The following ARHGEF10 variants were observed in gnomAD, a reference collection of about 807,000 sequenced individuals.
ARHGEF10 encodes the protein Rho guanine nucleotide exchange factor 10, also known as Rho guanine nucleotide exchange factor (GEF) 10.
ARHGEF10 carries 140 observed loss-of-function variants against 147.4 expected under a neutral mutation model. The ratio of observed to expected loss-of-function variants is 0.95; its 90% CI spans 0.83 to 1.09. The LOEUF is 1.09. Among genes scored for constraint, ARHGEF10 ranks in the 50% least tolerant of loss-of-function variants. ARHGEF10 has a pLI of 0.00. For missense variants in ARHGEF10, 2,222 were observed against 1,752.7 expected (o/e 1.27, Z -4.78); for synonymous variants, 902 against 695.8 (o/e 1.30, Z -4.67).
chr8:1,885,028 G>C (rs138566895), intron 10 of ARHGEF10, among the ~76,000 whole-genome samples: 441 of 152,286 alleles, frequency 2.9e-3, no homozygotes, highest in Middle Eastern at 0.01. Flanking sequence ...GTCTCCCAAA[G>C]TGCTGGGATT....
intron 26 of ARHGEF10, 149 bp downstream of exon 26, chr8:1,934,091 C>G (rs1333732991): frequency 3.8e-6 from 4 of 1,043,972 alleles, no homozygotes; most frequent in Non-Finnish European, 5.7e-6. Context: ...TGCCAACACT[C>G]TGGGAGGCCA....
intron 2 of ARHGEF10, among the ~76,000 whole-genome samples, chr8:1,852,200 C>A (rs899099693): frequency 6.6e-5 from 10 of 152,092 alleles, no homozygotes; most frequent in Non-Finnish European, 4.4e-5. Flanking sequence ...TCCTGCGGGC[C>A]CTCTAGAACC....
intron 1 of ARHGEF10, among the ~76,000 whole-genome samples, chr8:1,839,029 C>T (rs1342244856): frequency 6.6e-6 from 1 of 151,010 alleles, no homozygotes; most frequent in Non-Finnish European, 1.5e-5. Flanking sequence ...GGGGACTGTC[C>T]AGCGTGGAAG....
In ARHGEF10 at chr8:1,891,516, G is replaced by A. The variant is rs181416552; in HGVS notation, c.1183-2053G>A. Among the ~76,000 whole-genome samples the A allele has an allele frequency of 7.6e-4, 116 of 152,226 alleles. 1 individual carries two copies. The highest frequency in any genetic ancestry group is 7.5e-3 in the East Asian group (39 of 5,170). On this transcript the variant is annotated intron_variant, in intron 11 of 28. Transcript: ENST00000349830. ...AGGATCCTGTCCCGTCCCCATTCCC[G>A]GTGAGGACATGAGGAAGGTCAGGCT...
chr8:1,909,140 G>T (rs1811152948), intron 17 of ARHGEF10, among the ~76,000 whole-genome samples, 155 bp from the exon 18 acceptor site: 1 of 152,208 alleles, frequency 6.6e-6, no homozygotes, highest in African/African-American at 2.4e-5. Flanking sequence ...TGGGGACTCA[G>T]TAAGAAAGTC....
chr8:1,848,777 G>C (rs1419753053), intron 2 of ARHGEF10, among the ~76,000 whole-genome samples: 1 of 152,150 alleles, frequency 6.6e-6, no homozygotes, highest in Non-Finnish European at 1.5e-5. Flanking sequence ...TTTAGAAGTA[G>C]TCTTTTTTTT....
intron 13 of ARHGEF10, 60 bp from the exon 14 acceptor site, chr8:1,896,273 T>G: frequency 1.7e-6 from 2 of 1,202,738 alleles, no homozygotes; most frequent in Middle Eastern, 1.9e-4. Context: ...TTCTGTTTTA[T>G]GTTGGAAAAG....
rs374011959 is a variant in ARHGEF10, at chr8:1,909,312, G to A, written c.1985G>A (p.Arg662His). 1.5e-5 allele frequency: 25 copies of A among 1,614,082 alleles called. No individual in the cohort carries two copies. Among genetic ancestry groups the A allele is most frequent in the Admixed American group, 3.3e-5 (2 of 60,002 alleles). ...TVSSRPSHDS[R>H]VMSSQRYLLK... The stretch of plus-strand genomic sequence containing the variant: ...CGTTTCAGCCCCTCTCATGACAGCC[G>A]TGTGATGAGCAGCCAGAGGTACTTG... Residue 662 changes from arginine to histidine, a missense_variant, in exon 18 of 29, where the codon CGT (arginine) becomes CAT (histidine). Coordinates refer to ENST00000349830, the MANE Select transcript of ARHGEF10 (RefSeq NM_014629.4).
chr8:1,873,983 A>C (rs1807416214), intron 7 of ARHGEF10, among the ~76,000 whole-genome samples: 1 of 152,194 alleles, frequency 6.6e-6, no homozygotes, highest in Non-Finnish European at 1.5e-5. Flanking sequence ...CCACTTTTTA[A>C]ATACGCGGGG....
At chr8:1,827,585 C>T (rs1217033316) in intron 1 of ARHGEF10, among the ~76,000 whole-genome samples, 2 of 152,182 alleles carry the variant, frequency 1.3e-5, no homozygotes, top group South Asian at 2.1e-4. Context: ...GGATTACAGG[C>T]GTGAGCCACT....
chr8:1,829,455 G>A (rs1802960298), intron 1 of ARHGEF10, among the ~76,000 whole-genome samples: 1 of 152,244 alleles, frequency 6.6e-6, no homozygotes, highest in African/African-American at 2.4e-5. Context: ...TGGCCAGCCT[G>A]CTTGCTGCAG....
intron 5 of ARHGEF10, among the ~76,000 whole-genome samples, chr8:1,865,355 T>A (rs540887214): frequency 8.9e-6 from 1 of 112,736 alleles, no homozygotes; most frequent in African/African-American, 3.5e-5. Context: ...CCAGCACCCA[T>A]GAGGCCATCA....
At chr8:1,856,006 G>T (rs1406949438) in intron 2 of ARHGEF10, among the ~76,000 whole-genome samples, 1 of 152,016 alleles carries the variant, frequency 6.6e-6, no homozygotes, top group Non-Finnish European at 1.5e-5. Context: ...AGTTAACAAG[G>T]CTCAAACTCT....
chr8:1,825,321 C>T (rs1290681897), intron 1 of ARHGEF10, among the ~76,000 whole-genome samples: 1 of 20,308 alleles, frequency 4.9e-5, no homozygotes, highest in East Asian at 8.3e-4. Flanking sequence ...TGTTCCCCCG[C>T]ACCCCACCTG....
chr8:1,951,795 C>T (rs1241718560), intron 27 of ARHGEF10, among the ~76,000 whole-genome samples: 1 of 152,204 alleles, frequency 6.6e-6, no homozygotes, highest in African/African-American at 2.4e-5. Context: ...ACGATTGTGT[C>T]AGAGTTGTGG....
At position 1,957,291 on chromosome 8, in the gene ARHGEF10, A is replaced by ATTTGCAAT. The variant is rs1815663650; in HGVS notation, c.*29_*36dup. 6.3e-7 allele frequency: 1 copy of ATTTGCAAT among 1,598,458 alleles called. No individual in the cohort carries two copies. The highest frequency in any genetic ancestry group is 2.3e-5 in the East Asian group (1 of 44,396). On this transcript the variant is annotated 3_prime_UTR_variant, in exon 29 of 29. Coordinates refer to ENST00000349830, the MANE Select transcript of ARHGEF10 (RefSeq NM_014629.4). The stretch of plus-strand genomic sequence containing the variant: ...AGGACGGCCGCCTTCTGCTGTCAGA[A>ATTTGCAAT]TTTGCAATCAAGGGTGACTTCTCAG...
At chr8:1,857,635 G>T (rs777972944) in intron 2 of ARHGEF10, among the ~76,000 whole-genome samples, 1 of 151,896 alleles carries the variant, frequency 6.6e-6, no homozygotes, top group Non-Finnish European at 1.5e-5. Context: ...GGCCAGGCTG[G>T]TCTCAAGCTT....
At chr8:1,923,313 C>A (rs569753210) in intron 19 of ARHGEF10, 155 bp from the exon 20 acceptor site, 3 of 1,174,036 alleles carry the variant, frequency 2.6e-6, no homozygotes, top group African/African-American at 1.5e-5. Context: ...CTCAGCCCCC[C>A]ACAGTGTGAT....
rs117108770 is a variant in ARHGEF10 at position 1,872,798 on chromosome 8, A to G, written c.679+3548A>G. 2.2e-4 allele frequency among the ~76,000 whole-genome samples: 34 copies of G among 152,262 alleles called. No individual in the cohort carries two copies. The East Asian group carries it at 6.0e-3, about 27-fold the overall frequency. The stretch of plus-strand genomic sequence containing the variant: ...TCGTTAATTTATTCATTCCGCAAAT[A>G]TGTTTTGGGCAGTTACATACCGAAT... On this transcript the variant is annotated intron_variant, in intron 7 of 28. Transcript: ENST00000349830.
Sources: allele counts gnomAD v4.1 joint callset (sites outside exome capture counted in the v4.1 genomes callset), GRCh38; gene constraint gnomAD v4.1.1; transcripts MANE v1.5; gene names NCBI Gene and HGNC (gene_info 2026-07-23, HGNC 2026-07-21).